NPAS3: variants seen among roughly 807,000 people sequenced by gnomAD.
NPAS3 encodes neuronal PAS domain-containing protein 3.
NPAS3 carries 14 observed loss-of-function variants against 73.1 expected under a neutral mutation model. The ratio of observed to expected loss-of-function variants is 0.19; its 90% CI spans 0.13 to 0.30. NPAS3 has a LOEUF of 0.30. NPAS3 is among the 10% of genes least tolerant of loss of function. The probability of loss-of-function intolerance (pLI) is 1.00; values close to 1 mark genes in which losing one functional copy is unlikely to be tolerated. For missense variants in NPAS3, 1,096 were observed against 1,250.0 expected, an observed-to-expected ratio of 0.88 and a Z score of 1.86; for synonymous variants, 620 against 541.5, an observed-to-expected ratio of 1.14 and a Z score of -2.01.
At chr14:33,287,448 A>G (rs1215258035) in intron 3 of NPAS3, among the ~76,000 whole-genome samples, 1 of 152,098 alleles carries the variant, frequency 6.6e-6, no homozygotes, top group East Asian at 1.9e-4. Flanking sequence ...GGAAGCGAGA[A>G]AGAGAGACTA....
chr14:33,784,173 C>T (rs138386544), intron 9 of NPAS3, among the ~76,000 whole-genome samples: 4 of 152,108 alleles, frequency 2.6e-5, no homozygotes, highest in Non-Finnish European at 5.9e-5. Flanking sequence ...TTCCCTTGGG[C>T]GAATACTTTC....
intron 1 of NPAS3, among the ~76,000 whole-genome samples, chr14:33,017,978 G>A (rs2138234367): frequency 6.6e-6 from 1 of 152,140 alleles, no homozygotes; most frequent in East Asian, 1.9e-4. Flanking sequence ...ACTGTGAGAT[G>A]AATATGATTC....
chr14:33,204,529 G>T (rs1432622667), intron 2 of NPAS3, among the ~76,000 whole-genome samples: 1 of 152,082 alleles, frequency 6.6e-6, no homozygotes, highest in African/African-American at 2.4e-5. Flanking sequence ...TGTGCAATAT[G>T]TTGATTTGTA....
In NPAS3 at chr14:33,690,591, A is replaced by G. The variant is rs111837093; in HGVS notation, c.733+14206A>G. Among the ~76,000 whole-genome samples the G allele has an allele frequency of 6.1e-3, 931 of 152,218 alleles. 10 individuals carry two copies. Among genetic ancestry groups the G allele is most frequent in the African/African-American group, 0.022 (896 of 41,524 alleles). On this transcript the variant is annotated intron_variant, in intron 6 of 11. Coordinates refer to ENST00000356141, the Ensembl canonical transcript of NPAS3. ...GTGCAGTACAATAGTCCAAATTCCT[A>G]TACTGTCAGAAAATCTTCTACTATT...
chr14:33,799,913 G>A, exon 12 of NPAS3: 2 of 1,614,182 alleles, frequency 1.2e-6, no homozygotes, highest in South Asian at 1.1e-5. Context: ...CGAGCACTCG[G>A]ACTTTGAGAA....
intron 4 of NPAS3, among the ~76,000 whole-genome samples, chr14:33,387,780 C>T (rs953714279): frequency 2.0e-5 from 3 of 152,122 alleles, no homozygotes; most frequent in African/African-American, 7.2e-5. Context: ...AATACTAATT[C>T]ATCAAATATT....
intron 3 of NPAS3, among the ~76,000 whole-genome samples, chr14:33,216,475 C>T (rs907436779): frequency 9.2e-5 from 14 of 152,120 alleles, no homozygotes; most frequent in South Asian, 8.3e-4. Context: ...TATATGTGTC[C>T]GTGAGAGTGT....
At chr14:33,124,452 T>C (rs2043352795) in intron 2 of NPAS3, among the ~76,000 whole-genome samples, 1 of 152,090 alleles carries the variant, frequency 6.6e-6, no homozygotes, top group East Asian at 1.9e-4. Flanking sequence ...CTCTGTAAAA[T>C]GAGGATAATG....
rs115164171 is a variant in NPAS3, at chr14:33,577,412, A to G, written c.558+17202A>G. On this transcript the variant is annotated intron_variant, in intron 5 of 11. Coordinates refer to ENST00000356141, the Ensembl canonical transcript of NPAS3. Reference sequence around the variant, plus strand: ...TGTTTTATCTTTAGCAGCCAGGTACAGCCCATCACGGACTCTATGGTCTAT... The same window carrying G: ...TGTTTTATCTTTAGCAGCCAGGTACGGCCCATCACGGACTCTATGGTCTAT... Among the ~76,000 whole-genome samples the G allele has an allele frequency of 4.6e-3, 699 of 152,320 alleles. 5 individuals carry two copies. The highest frequency in any genetic ancestry group is 0.017 in the African/African-American group (687 of 41,566).
chr14:33,790,436 T>C (rs1371577494), intron 9 of NPAS3, among the ~76,000 whole-genome samples: 1 of 152,200 alleles, frequency 6.6e-6, no homozygotes, highest in Non-Finnish European at 1.5e-5. Flanking sequence ...CCTTTCAAAC[T>C]GGCACCAAGG....
chr14:33,042,665 T>A (rs2040383580), intron 1 of NPAS3, among the ~76,000 whole-genome samples: 1 of 152,190 alleles, frequency 6.6e-6, no homozygotes, highest in Non-Finnish European at 1.5e-5. Context: ...ATATTATCCT[T>A]GATCACACTT....
intron 4 of NPAS3, among the ~76,000 whole-genome samples, chr14:33,449,254 G>T (rs1048985015): frequency 2.0e-5 from 3 of 152,150 alleles, no homozygotes; most frequent in Non-Finnish European, 2.9e-5. Context: ...CATATTTTAG[G>T]AGTTATCTGG....
chr14:33,735,218 G>C, exon 7 of NPAS3: 1 of 1,612,132 alleles, frequency 6.2e-7, no homozygotes, highest in Non-Finnish European at 8.5e-7. Context: ...CCTCAGTGGA[G>C]TCAACCAGCC....
chr14:33,280,775 T>C, intron 3 of NPAS3, among the ~76,000 whole-genome samples: 1 of 152,172 alleles, frequency 6.6e-6, no homozygotes, highest in East Asian at 1.9e-4. Context: ...AGATAACTAT[T>C]GGTAACGCAG....
chr14:33,589,273 C>T (rs1263867587), intron 5 of NPAS3, among the ~76,000 whole-genome samples: 2 of 152,062 alleles, frequency 1.3e-5, no homozygotes, highest in Non-Finnish European at 2.9e-5. Flanking sequence ...GTCTCCCTGA[C>T]CATGAAAAAT....
intron 4 of NPAS3, among the ~76,000 whole-genome samples, chr14:33,499,999 AT>A (rs944906526): frequency 1.3e-5 from 2 of 151,848 alleles, no homozygotes; most frequent in Non-Finnish European, 2.9e-5. Context: ...GGTTCATTGC[AT>A]TTCTCTTACG....
Position 33,020,705 on chromosome 14 carries a change from G to C in NPAS3, c.51-35200G>C, listed in dbSNP as rs572328086. 4.6e-5 allele frequency among the ~76,000 whole-genome samples: 7 copies of C among 151,922 alleles called. No individual in the cohort carries two copies. In the East Asian group the frequency reaches 1.4e-3, roughly 29 times the overall value. Reference sequence around the variant, plus strand: ...CCACACCAATCTTTAAAAAATATTGGTCTGCCTAAAGCTGTTCATCAGTGA... The same window carrying C: ...CCACACCAATCTTTAAAAAATATTGCTCTGCCTAAAGCTGTTCATCAGTGA... On this transcript the variant is annotated intron_variant, in intron 1 of 11. Transcript: ENST00000356141.
At chr14:33,586,475 G>C (rs1272415280) in intron 5 of NPAS3, among the ~76,000 whole-genome samples, 2 of 152,040 alleles carry the variant, frequency 1.3e-5, no homozygotes, top group African/African-American at 4.8e-5. Flanking sequence ...CAGAAGTAAT[G>C]ATTTAGGAAA....
chr14:33,580,556 C>A (rs1032011134), intron 5 of NPAS3, among the ~76,000 whole-genome samples: 2 of 152,126 alleles, frequency 1.3e-5, no homozygotes, highest in Non-Finnish European at 2.9e-5. Context: ...AGACGTACAG[C>A]CACGGTAGTT....
Sources: allele counts gnomAD v4.1 joint callset (sites outside exome capture counted in the v4.1 genomes callset), GRCh38; gene constraint gnomAD v4.1.1; transcripts MANE v1.5; gene names NCBI Gene and HGNC (gene_info 2026-07-23, HGNC 2026-07-21).